GSTCD: variants seen among roughly 807,000 people sequenced by gnomAD.
GSTCD encodes glutathione S-transferase C-terminal domain-containing protein.
A neutral mutation model predicts 68.3 loss-of-function variants in GSTCD; 44 were observed. The ratio of observed to expected loss-of-function variants is 0.64; its 90% confidence interval spans 0.51 to 0.83. The LOEUF (loss-of-function observed/expected upper bound fraction) is 0.83, where lower values mean the gene tolerates loss of function less well. Ranked by LOEUF, GSTCD falls within the 40% of genes least tolerant of loss-of-function variation. GSTCD has a pLI of 0.00. For synonymous variants in GSTCD, 273 were observed against 255.2 expected, an observed-to-expected ratio of 1.07 and a Z score of -0.67; for missense variants, 739 against 735.9, an observed-to-expected ratio of 1.00 and a Z score of -0.05.
At chr4:105,763,465 A>G (rs1195963375) in intron 5 of GSTCD, among the ~76,000 whole-genome samples, 1 of 152,190 alleles carries the variant, frequency 6.6e-6, no homozygotes, top group Non-Finnish European at 1.5e-5. Context: ...GAACTGAAGT[A>G]TAGAGAAATT....
intron 1 of GSTCD, among the ~76,000 whole-genome samples, chr4:105,716,318 T>C (rs1474214945): frequency 1.3e-5 from 2 of 152,050 alleles, no homozygotes; most frequent in African/African-American, 2.4e-5. Flanking sequence ...GAAGTTGCCA[T>C]TGAATAAATA....
chr4:105,822,321 C>A (rs998154319), intron 5 of GSTCD, among the ~76,000 whole-genome samples: 3 of 151,982 alleles, frequency 2.0e-5, no homozygotes, highest in Non-Finnish European at 4.4e-5. Context: ...GGAAAGGAAG[C>A]TTCAAAGCAG....
At chr4:105,780,327 C>A (rs1176849984) in intron 5 of GSTCD, among the ~76,000 whole-genome samples, 2 of 152,210 alleles carry the variant, frequency 1.3e-5, no homozygotes, top group East Asian at 3.8e-4. Context: ...CTGCCTTGTT[C>A]ATTGGCTCAC....
At chr4:105,816,836 G>A (rs1296925002) in intron 5 of GSTCD, among the ~76,000 whole-genome samples, 1 of 152,006 alleles carries the variant, frequency 6.6e-6, no homozygotes, top group African/African-American at 2.4e-5. Context: ...CCACTTACCA[G>A]TTGCATGTCT....
chr4:105,781,925 T>C (rs1235421042), intron 5 of GSTCD, among the ~76,000 whole-genome samples: 1 of 152,024 alleles, frequency 6.6e-6, no homozygotes, highest in Non-Finnish European at 1.5e-5. Flanking sequence ...AGCATGTCTG[T>C]GTGGGGTAGT....
At chr4:105,762,932 A>G (rs1560816976) in intron 5 of GSTCD, among the ~76,000 whole-genome samples, 1 of 152,146 alleles carries the variant, frequency 6.6e-6, no homozygotes, top group Non-Finnish European at 1.5e-5. Context: ...AATGTATCTC[A>G]CTTAAAAAAT....
Position 105,759,902 on chromosome 4 carries a change from AG to A in GSTCD, c.1240+30404del, listed in dbSNP as rs369024748. Among the ~76,000 whole-genome samples the A allele has an allele frequency of 5.1e-4, 77 of 152,302 alleles. 2 individuals are homozygous for A. The East Asian group carries it at 0.014, about 27-fold the overall frequency. On this transcript the variant is annotated intron_variant, in intron 5 of 11. Coordinates refer to ENST00000515279, the MANE Select transcript of GSTCD (RefSeq NM_001370181.1). ...CTAGTGAAATACAATACAGTACCTT[AG>A]TTCCTCAAAGCCAATGTTTCAAGAT...
chr4:105,804,843 T>C (rs911746673), intron 5 of GSTCD, among the ~76,000 whole-genome samples: 1 of 152,038 alleles, frequency 6.6e-6, no homozygotes, highest in Non-Finnish European at 1.5e-5. Context: ...CTGCCATGTG[T>C]CCATGTGTTG....
At chr4:105,825,442 T>C (rs930195292) in intron 7 of GSTCD, among the ~76,000 whole-genome samples, 1 of 152,208 alleles carries the variant, frequency 6.6e-6, no homozygotes, top group Non-Finnish European at 1.5e-5. Context: ...CGCTGTATTA[T>C]TATTGCTTGT....
At chr4:105,710,195 A>G (rs577289965) in intron 1 of GSTCD, among the ~76,000 whole-genome samples, 1 of 150,546 alleles carries the variant, frequency 6.6e-6, no homozygotes, top group South Asian at 2.1e-4. Context: ...ATTTAAACAC[A>G]GCTCAAACTT....
At chr4:105,790,819 C>T (rs1578477224) in intron 5 of GSTCD, among the ~76,000 whole-genome samples, 2 of 151,978 alleles carry the variant, frequency 1.3e-5, no homozygotes, top group Admixed American at 6.5e-5. Flanking sequence ...CAGAAATTGC[C>T]CTCAGTGCCT....
chr4:105,743,756 T>G (rs1560806791), intron 5 of GSTCD, among the ~76,000 whole-genome samples: 1 of 149,836 alleles, frequency 6.7e-6, no homozygotes, highest in Non-Finnish European at 1.5e-5. Context: ...CCTCCCAGAT[T>G]CACGCTGTTC....
intron 5 of GSTCD, among the ~76,000 whole-genome samples, chr4:105,770,476 A>G (rs895503961): frequency 6.6e-6 from 1 of 151,822 alleles, no homozygotes; most frequent in Admixed American, 6.6e-5. Flanking sequence ...GCACCCATCA[A>G]TCCGTCACCT....
chr4:105,823,493 G>GA (rs1325995207), intron 7 of GSTCD: 3 of 385,358 alleles, frequency 7.8e-6, no homozygotes, highest in Admixed American at 4.1e-5. Context: ...TTTTAAAAGA[G>GA]GTTTATAGGT....
chr4:105,844,475 CTG>C (rs1389837803), intron 11 of GSTCD, among the ~76,000 whole-genome samples: 2 of 152,130 alleles, frequency 1.3e-5, no homozygotes, highest in Non-Finnish European at 2.9e-5. Context: ...TCACCTTCCA[CTG>C]TTTTTTTCTG....
chr4:105,834,204 G>A (rs902338302), intron 8 of GSTCD, among the ~76,000 whole-genome samples: 3 of 152,132 alleles, frequency 2.0e-5, no homozygotes, highest in Non-Finnish European at 2.9e-5. Flanking sequence ...TTCCTGGAAC[G>A]ATGCTATAGT....
intron 8 of GSTCD, among the ~76,000 whole-genome samples, chr4:105,832,141 T>A: frequency 6.6e-6 from 1 of 152,292 alleles, no homozygotes; most frequent in South Asian, 2.1e-4. Context: ...AAGATCTAAT[T>A]TTTATTTTTT....
intron 5 of GSTCD, among the ~76,000 whole-genome samples, chr4:105,734,244 G>A (rs926985821): frequency 5.9e-5 from 9 of 152,232 alleles, no homozygotes; most frequent in South Asian, 4.1e-4. Context: ...GCCTTGCTAG[G>A]TTGGGGAAGT....
intron 5 of GSTCD, among the ~76,000 whole-genome samples, chr4:105,789,145 A>G (rs1180990793): frequency 6.6e-6 from 1 of 152,142 alleles, no homozygotes; most frequent in South Asian, 2.1e-4. Context: ...TTTGCAACCA[A>G]TGTAAGTGTA....
Sources: gnomAD v4.1 joint callset for allele counts (sites outside exome capture counted in the v4.1 genomes callset) on GRCh38, gnomAD v4.1.1 for gene constraint, MANE v1.5 for transcripts, NCBI Gene and HGNC (gene_info 2026-07-23, HGNC 2026-07-21) for gene names.